Variants in DRC7 observed in about 807,000 individuals in gnomAD.
DRC7 encodes coiled-coil domain containing 135.
DRC7 carries 80 observed loss-of-function variants against 104.4 expected under a neutral mutation model. That is an observed-to-expected ratio of 0.77 (90% CI 0.64 to 0.92). DRC7 has a LOEUF of 0.92. DRC7 is among the 40% of genes least tolerant of loss of function. The pLI, the probability that DRC7 is intolerant of heterozygous loss-of-function variation, is 0.00. For synonymous variants in DRC7, 405 were observed against 447.3 expected (o/e 0.91, Z 1.19); for missense variants, 1,034 against 1,141.1 (o/e 0.91, Z 1.35).
Position 57,726,081 on chromosome 16 carries a change from G to A in DRC7, c.1772G>A (p.Arg591Gln), listed in dbSNP as rs757094425. The A allele has an allele frequency of 3.7e-6, 6 of 1,613,124 alleles. No individual in the cohort carries two copies. The highest frequency in any genetic ancestry group is 3.4e-6 in the Non-Finnish European group (4 of 1,179,848). Residue 591 changes from arginine (R) to glutamine (Q), a missense_variant, in exon 14 of 19, where the codon CGG becomes CAG. By Grantham distance (43) the Arg-to-Gln change is conservative. Coordinates refer to ENST00000360716, the MANE Select transcript of DRC7 (RefSeq NM_001289162.2). ...CTGGCCTCCCAGAAAATCACAGAGC[G>A]GTTCTTCCGCAACCCAGCGAAGCCC... The part of the protein sequence containing the change: ...NPRPIVKITE[R>Q]FFRNPAKPAE...
At chr16:57,699,743 C>A (rs752333509) in intron 4 of DRC7, among the ~76,000 whole-genome samples, 3 of 152,114 alleles carry the variant, frequency 2.0e-5, no homozygotes, top group Non-Finnish European at 2.9e-5. Context: ...GGAAACAGAC[C>A]TGATCTCCTC....
intron 8 of DRC7, among the ~76,000 whole-genome samples, chr16:57,712,394 T>G (rs148874541): frequency 3.5e-4 from 53 of 152,342 alleles, no homozygotes; most frequent in African/African-American, 1.2e-3. Flanking sequence ...TTCTGGGTGT[T>G]GCCTTGGCCC....
chr16:57,696,107 A>G (rs1172472931), intron 1 of DRC7, among the ~76,000 whole-genome samples: 1 of 152,302 alleles, frequency 6.6e-6, no homozygotes, highest in Middle Eastern at 3.4e-3. Flanking sequence ...CATTTGCCGT[A>G]AGGAAAACAG....
chr16:57,724,933 G>T, intron 13 of DRC7, 98 bp downstream of exon 13: 1 of 882,116 alleles, frequency 1.1e-6, no homozygotes, highest in Non-Finnish European at 1.8e-6. Flanking sequence ...GTGGCATTAA[G>T]GCCTGAGACA....
intron 7 of DRC7, among the ~76,000 whole-genome samples, chr16:57,705,423 A>G (rs2048702231): frequency 7.0e-6 from 1 of 143,204 alleles, no homozygotes; most frequent in Non-Finnish European, 1.5e-5. Context: ...CCATCCATCC[A>G]TCCATCCTCC....
intron 7 of DRC7, among the ~76,000 whole-genome samples, chr16:57,705,931 C>T (rs1408190084): frequency 1.4e-5 from 2 of 144,702 alleles, no homozygotes; most frequent in Non-Finnish European, 3.0e-5. Context: ...CCCATCCATC[C>T]TCTCATCCAT....
intron 6 of DRC7, among the ~76,000 whole-genome samples, 158 bp downstream of exon 6, chr16:57,702,288 C>G (rs1402451180): frequency 6.6e-6 from 1 of 152,122 alleles, no homozygotes; most frequent in African/African-American, 2.4e-5. Flanking sequence ...CCCTGGAGTT[C>G]ATATTTCAAA....
chr16:57,718,308 T>G, intron 8 of DRC7, 39 bp from the exon 9 acceptor site: 2 of 1,606,506 alleles, frequency 1.2e-6, no homozygotes, highest in Non-Finnish European at 1.7e-6. Flanking sequence ...ACGTGGTGGC[T>G]GTGGGGTACA....
chr16:57,729,856 G>A (rs1372318441), intron 17 of DRC7, among the ~76,000 whole-genome samples: 3 of 145,232 alleles, frequency 2.1e-5, no homozygotes, highest in Admixed American at 6.8e-5. Context: ...ACGAATGGAT[G>A]GATGGGTGGA....
chr16:57,717,643 G>C (rs1239506313), intron 8 of DRC7, among the ~76,000 whole-genome samples: 1 of 151,656 alleles, frequency 6.6e-6, no homozygotes, highest in Non-Finnish European at 1.5e-5. Flanking sequence ...AGGTTGCAGT[G>C]AGCCGAGATC....
chr16:57,728,418 G>A lies in DRC7; in HGVS notation c.2225G>A (p.Arg742Gln), dbSNP rs760289234. The change falls in exon 17 of 19, where the codon CGG becomes CAG. Residue 742 changes from arginine (R) to glutamine (Q), a missense_variant. Coordinates refer to ENST00000360716, the MANE Select transcript of DRC7 (RefSeq NM_001289162.2). ...CGCATGATGCACGAAGAGCACCTGC[G>A]GCAGGTGGAGACCCAGCTGGACTAC... ...MERMMHEEHL[R>Q]QVETQLDYLA... 34 of 1,606,428 alleles carry A rather than the reference G, an allele frequency of 2.1e-5. No individual in the cohort carries two copies. The Middle Eastern group carries it at 8.4e-4, about 40-fold the overall frequency.
Position 57,722,868 on chromosome 16 carries a change from TC to T in DRC7, c.1408+29del, listed in dbSNP as rs777069315. 176 of 1,613,206 alleles carry T rather than the reference TC, an allele frequency of 1.1e-4. No individual in the cohort carries two copies. In the African/African-American group the frequency reaches 2.2e-3, roughly 20 times the overall value. ...TAAGGGGGATTGCTCTGGACATGGGTCCAGGCCAGCCCAGGGGCGGGGGCGG... is the reference window on the plus strand; with the variant it reads ...TAAGGGGGATTGCTCTGGACATGGGTCAGGCCAGCCCAGGGGCGGGGGCGG... On this transcript the variant is annotated intron_variant, in intron 11 of 18. Transcript: ENST00000360716.
rs746305364 is a variant in DRC7, at chr16:57,722,863, A to G, written c.1408+22A>G. 3 of 1,613,462 alleles carry G rather than the reference A, an allele frequency of 1.9e-6. No homozygotes were observed. In the South Asian group the frequency reaches 3.3e-5, roughly 18 times the overall value. On this transcript the variant is annotated intron_variant, in intron 11 of 18. Coordinates refer to ENST00000360716, the MANE Select transcript of DRC7 (RefSeq NM_001289162.2). Reference sequence around the variant, plus strand: ...CAGTGTAAGGGGGATTGCTCTGGACATGGGTCCAGGCCAGCCCAGGGGCGG... The same window carrying G: ...CAGTGTAAGGGGGATTGCTCTGGACGTGGGTCCAGGCCAGCCCAGGGGCGG...
rs1290609306 is a variant in DRC7 at position 57,707,586 on chromosome 16, A to G, written c.985A>G (p.Ser329Gly). ...CGACCCATTCACAGGACATAGCTAC[A>G]GCACCCAGGATGAGCACTTCCTGGG... ...FIDPFTGHSY[S>G]TQDEHFLGIE... Residue 329 changes from serine to glycine, a missense_variant, in exon 8 of 19, where the codon AGC becomes GGC. By Grantham distance (56) the Ser-to-Gly change is moderately conservative (BLOSUM62 0). Transcript: ENST00000360716. The G allele has an allele frequency of 4.3e-6, 7 of 1,613,624 alleles. No homozygotes were observed. The highest frequency in any genetic ancestry group is 1.3e-5 in the African/African-American group (1 of 75,044).
At chr16:57,718,049 C>G (rs780262909) in intron 8 of DRC7, among the ~76,000 whole-genome samples, 4 of 152,242 alleles carry the variant, frequency 2.6e-5, no homozygotes, top group Admixed American at 6.5e-5. Context: ...ACATCCAGGT[C>G]TAGCCCAGGC....
intron 4 of DRC7, among the ~76,000 whole-genome samples, chr16:57,699,690 G>A (rs1281572915): frequency 6.6e-6 from 1 of 152,114 alleles, no homozygotes; most frequent in Non-Finnish European, 1.5e-5. Context: ...CCCAGGGAGA[G>A]CATCGCTCCT....
intron 3 of DRC7, 81 bp from the exon 4 acceptor site, chr16:57,698,769 A>G (rs2048624897): frequency 1.5e-6 from 2 of 1,374,492 alleles, no homozygotes; most frequent in Non-Finnish European, 2.0e-6. Context: ...AGGAAGGGGT[A>G]GAGCCAATGG....
rs368408164 is a variant in DRC7, at chr16:57,721,601, T to G, written c.1207-66T>G. 2,792 of 1,282,366 alleles carry G rather than the reference T, an allele frequency of 2.2e-3. 20 individuals carry two copies. The highest frequency in any genetic ancestry group is 0.016 in the South Asian group (1,283 of 80,900). 79.4% of individuals were successfully genotyped at this position (1,282,366 alleles called of 1,614,324 possible). On this transcript the variant is annotated intron_variant, in intron 9 of 18. Coordinates refer to ENST00000360716, the MANE Select transcript of DRC7 (RefSeq NM_001289162.2). ...GGCTCTGCAGGCAGAGACAGAGCTTTGACCATAACTTCTGCTTCAACACCC... is the reference window on the plus strand; with the variant it reads ...GGCTCTGCAGGCAGAGACAGAGCTTGGACCATAACTTCTGCTTCAACACCC...
intron 8 of DRC7, among the ~76,000 whole-genome samples, chr16:57,709,792 C>T (rs1452422280): frequency 6.6e-6 from 1 of 152,246 alleles, no homozygotes; most frequent in Non-Finnish European, 1.5e-5. Flanking sequence ...ATTTTTGAGA[C>T]AGGGTCTTCC....
Sources: allele counts gnomAD v4.1 joint callset (sites outside exome capture counted in the v4.1 genomes callset), GRCh38; gene constraint gnomAD v4.1.1; transcripts MANE v1.5; gene names NCBI Gene and HGNC (gene_info 2026-07-23, HGNC 2026-07-21).